The following ZNF786 variants were observed in gnomAD, a reference collection of about 807,000 sequenced individuals.
The protein encoded by ZNF786 is zinc finger protein 786.
In ZNF786, 56 loss-of-function variants were observed where a neutral mutation model predicts 63.1. The observed-to-expected ratio is 0.89, with a 90% confidence interval of 0.72 to 1.11. The LOEUF is 1.11. Among genes scored for constraint, ZNF786 ranks in the 50% least tolerant of loss-of-function variants. The pLI is 0.00. For synonymous variants in ZNF786, 485 were observed against 406.9 expected, an observed-to-expected ratio of 1.19 and a Z score of -2.31; for missense variants, 1,213 against 1,041.8, an observed-to-expected ratio of 1.16 and a Z score of -2.26.
At chr7:149,079,061 AAAC>A (rs2129516010) in intron 2 of ZNF786, among the ~76,000 whole-genome samples, 1 of 152,320 alleles carries the variant, frequency 6.6e-6, no homozygotes, top group Admixed American at 6.5e-5. Context: ...TTAAAAACTA[AAAC>A]AAAAATGGTT....
At chr7:149,074,655 A>C in intron 2 of ZNF786, 117 bp from the exon 3 acceptor site, 1 of 1,248,898 alleles carries the variant, frequency 8.0e-7, no homozygotes. Context: ...GTCAAAAAAA[A>C]AAAAACAGGT....
intron 1 of ZNF786, among the ~76,000 whole-genome samples, chr7:149,084,887 A>G (rs939577743): frequency 1.3e-5 from 2 of 152,078 alleles, no homozygotes; most frequent in Non-Finnish European, 2.9e-5. Flanking sequence ...CCAGAATGCT[A>G]CTTCCTAGGT....
intron 1 of ZNF786, among the ~76,000 whole-genome samples, chr7:149,085,360 G>A (rs1825718292): frequency 1.3e-5 from 2 of 152,146 alleles, no homozygotes; most frequent in South Asian, 4.1e-4. Flanking sequence ...TGGGAGCCCA[G>A]GAGTTTGAGA....
chr7:149,085,976 C>A (rs1380873887), intron 1 of ZNF786, among the ~76,000 whole-genome samples: 2 of 152,128 alleles, frequency 1.3e-5, no homozygotes, highest in Admixed American at 6.6e-5. Flanking sequence ...GATCAAGGAG[C>A]GTTTGGGCAC....
chr7:149,070,751 TTCTC>T lies in ZNF786; in HGVS notation c.2017_2020del (p.Glu673SerfsTer14), dbSNP rs1825389458. ...GTCACACTTGGGACACTGAAAAGGC[TTCTC>T]TCCCGTGTGCGTTCTGATGTGCTCG... On this transcript the variant is annotated frameshift_variant, in exon 4 of 4. Coordinates refer to ENST00000491431, the MANE Select transcript of ZNF786 (RefSeq NM_152411.4). LOFTEE classifies it high-confidence loss of function. 1 of 1,612,694 alleles carries T rather than the reference TTCTC, an allele frequency of 6.2e-7. No homozygotes were observed. The highest frequency in any genetic ancestry group is 8.5e-7 in the Non-Finnish European group (1 of 1,179,738).
rs773633616 is a variant in ZNF786 at position 149,071,110 on chromosome 7, G to A, written c.1662C>T (p.Ala554=). 1.9e-6 allele frequency: 3 copies of A among 1,611,478 alleles called. No individual in the cohort carries two copies. Among genetic ancestry groups the A allele is most frequent in the South Asian group, 1.1e-5 (1 of 91,000 alleles). ...KRFRLKGILK[A]HQHTHSKERP... ...TCTCCTTGCTGTGCGTGTGCTGGTGGGCCTTCAGGATGCCCTTCAGGCGGA... is the reference window on the plus strand; with the variant it reads ...TCTCCTTGCTGTGCGTGTGCTGGTGAGCCTTCAGGATGCCCTTCAGGCGGA... The change falls in exon 4 of 4, where the codon GCC becomes GCT. Residue 554 remains alanine, a synonymous_variant. Transcript: ENST00000491431.
In ZNF786 at chr7:149,081,109, C is replaced by T. The variant is rs1453119616; in HGVS notation, c.19-392G>A. 1.5e-5 allele frequency: 7 copies of T among 457,406 alleles called. No homozygotes were observed. In the East Asian group the frequency reaches 4.8e-4, roughly 32 times the overall value. 28.3% of individuals were successfully genotyped at this position (457,406 alleles called of 1,614,324 possible). ...ATATTCCATGAGTAGAAGATATACC[C>T]CACTGATGGGACATATAGTTTGTTT... On this transcript the variant is annotated intron_variant, in intron 1 of 3. Transcript: ENST00000491431.
chr7:149,075,668 T>TTTG (rs2129515013), intron 2 of ZNF786, among the ~76,000 whole-genome samples: 1 of 120,132 alleles, frequency 8.3e-6, no homozygotes, highest in South Asian at 3.2e-4. Flanking sequence ...TTTTTTTTTT[T>TTTG]TTTTTTTTTT....
At chr7:149,087,034 G>A (rs1825750806) in intron 1 of ZNF786, among the ~76,000 whole-genome samples, 2 of 152,002 alleles carry the variant, frequency 1.3e-5, no homozygotes. Flanking sequence ...GTAGAGGCAG[G>A]GTTTCACCTT....
chr7:149,089,399 C>T (rs1289339741), intron 1 of ZNF786, among the ~76,000 whole-genome samples: 3 of 152,028 alleles, frequency 2.0e-5, no homozygotes. Context: ...GCTGCAACCT[C>T]CACCTCCCGA....
In ZNF786 at chr7:149,070,239, T is replaced by G; in HGVS notation, c.*184A>C. 1.5e-6 allele frequency: 1 copy of G among 682,864 alleles called. No homozygotes were observed. The highest frequency in any genetic ancestry group is 2.3e-6 in the Non-Finnish European group (1 of 432,332). 42.3% of individuals were successfully genotyped at this position (682,864 alleles called of 1,614,324 possible). A position where few individuals can be genotyped will look rare whatever the true frequency, so the allele number is the denominator to read the frequency against. On this transcript the variant is annotated 3_prime_UTR_variant, in exon 4 of 4. Coordinates refer to ENST00000491431, the MANE Select transcript of ZNF786 (RefSeq NM_152411.4). ...AAAAAAAAAAAAAAAGAAAGAAATATAATTGGTGATGCTTCTGAAGAGAAA... is the reference window on the plus strand; with the variant it reads ...AAAAAAAAAAAAAAAGAAAGAAATAGAATTGGTGATGCTTCTGAAGAGAAA...
intron 2 of ZNF786, among the ~76,000 whole-genome samples, chr7:149,077,550 C>A (rs931255672): frequency 1.2e-4 from 18 of 152,026 alleles, no homozygotes; most frequent in African/African-American, 4.3e-4. Flanking sequence ...ATGGTGTGAA[C>A]CCGGGAGGCG....
In ZNF786 at chr7:149,071,492, CAGG is replaced by C. The variant is rs1180142675; in HGVS notation, c.1277_1279del (p.Ser426del). On this transcript the variant is annotated inframe_deletion, in exon 4 of 4. Coordinates refer to ENST00000491431, the MANE Select transcript of ZNF786 (RefSeq NM_152411.4). ...GGCGAAGCCCTTGCCACACTTCCTG[CAGG>C]AGAACGGTCTCTCCCCACCGTGCGC... The C allele has an allele frequency of 9.3e-6, 15 of 1,613,230 alleles. No individual in the cohort carries two copies. The highest frequency in any genetic ancestry group is 6.7e-5 in the East Asian group (3 of 44,868).
rs777029568 is a variant in ZNF786, at chr7:149,071,874, G to GGGTGCACTGGGC, written c.886_897dup (p.Ala296_Thr299dup). 6.2e-6 allele frequency: 10 copies of GGGTGCACTGGGC among 1,601,056 alleles called. No homozygotes were observed. Among genetic ancestry groups the GGGTGCACTGGGC allele is most frequent in the Non-Finnish European group, 8.5e-6 (10 of 1,176,280 alleles). Reference sequence around the variant, plus strand: ...ACTGGGAGGGAGCGCTTGCCGCATGGGGTGCACTGGGCAGGCTTCTCCCCC... The same window carrying GGGTGCACTGGGC: ...ACTGGGAGGGAGCGCTTGCCGCATGGGGTGCACTGGGCGGTGCACTGGGCAGGCTTCTCCCCC... On this transcript the variant is annotated inframe_insertion, in exon 4 of 4. Transcript: ENST00000491431.
chr7:149,072,561 TGTG>T, intron 3 of ZNF786, 88 bp from the exon 4 acceptor site: 1 of 1,420,444 alleles, frequency 7.0e-7, no homozygotes, highest in Non-Finnish European at 9.2e-7. Context: ...AAGAGTGCCT[TGTG>T]GTGGCCTGGG....
chr7:149,074,531 T>A lies in ZNF786; in HGVS notation c.153A>T (p.Gly51=). The change falls in exon 3 of 4, where the codon GGA becomes GGT. Residue 51 remains glycine (G), a synonymous_variant. Transcript: ENST00000491431. Reference sequence around the variant, plus strand: ...AGGATATTAGTTCTGGTTTTGGAAGTCCATCATCTGCACAGAGAAGTCAGA... The same window carrying A: ...AGGATATTAGTTCTGGTTTTGGAAGACCATCATCTGCACAGAGAAGTCAGA... The part of the protein sequence containing the change: ...NYETLVSLDD[G]LPKPELISWI... 6.2e-7 allele frequency: 1 copy of A among 1,613,712 alleles called. No individual in the cohort carries two copies. The highest frequency in any genetic ancestry group is 8.5e-7 in the Non-Finnish European group (1 of 1,179,770).
chr7:149,075,655 GTTTTTTT>G lies in ZNF786; in HGVS notation c.146-1124_146-1118del, dbSNP rs1165713050. On this transcript the variant is annotated intron_variant, in intron 2 of 3. Transcript: ENST00000491431. ...ATCCTACTGTGCTGACACACTTCAG[GTTTTTTT>G]TTTTTTTTTTTTTTTTTTTTTGATA... is the stretch of plus-strand genomic sequence containing the variant. Among the ~76,000 whole-genome samples the G allele has an allele frequency of 1.4e-4, 10 of 69,464 alleles. No individual in the cohort carries two copies. In the East Asian group the frequency reaches 1.6e-3, roughly 11 times the overall value. The allele number at this position is 69,464 out of a possible 152,430, so 45.6% of individuals were successfully genotyped here. A position where few individuals can be genotyped will look rare whatever the true frequency, so the allele number is the denominator to read the frequency against.
intron 3 of ZNF786, among the ~76,000 whole-genome samples, chr7:149,073,210 T>C (rs902093589): frequency 5.3e-5 from 8 of 152,204 alleles, no homozygotes; most frequent in Non-Finnish European, 1.2e-4. Context: ...AAACAAAAAC[T>C]ATTTGACAAG....
rs1825410165 is a variant in ZNF786 at position 149,071,321 on chromosome 7, G to A, written c.1451C>T (p.Pro484Leu). The change falls in exon 4 of 4, where the codon CCA (proline) becomes CTA (leucine). Residue 484 changes from proline (P) to leucine (L), a missense_variant. Physicochemically the swap from Pro to Leu is moderately conservative, Grantham distance 98. Coordinates refer to ENST00000491431, the MANE Select transcript of ZNF786 (RefSeq NM_152411.4). The part of the protein sequence containing the change: ...LHTDEKPFQC[P>L]ECGLSFRLES... ...CAGGCGGAAGCTCAGCCCACACTCT[G>A]GGCACTGAAAGGGCTTCTCGTCCGT... 1.2e-6 allele frequency: 2 copies of A among 1,613,336 alleles called. No individual in the cohort carries two copies. Among genetic ancestry groups the A allele is most frequent in the Admixed American group, 1.7e-5 (1 of 60,002 alleles).
Sources: gnomAD v4.1 joint callset for allele counts (sites outside exome capture counted in the v4.1 genomes callset) on GRCh38, gnomAD v4.1.1 for gene constraint, MANE v1.5 for transcripts, NCBI Gene and HGNC (gene_info 2026-07-23, HGNC 2026-07-21) for gene names.